ABHD17C: variants seen among roughly 807,000 people sequenced by gnomAD.
ABHD17C encodes the protein abhydrolase domain containing 17C, depalmitoylase.
In ABHD17C, 11 loss-of-function variants were observed where a neutral mutation model predicts 27.9. The observed-to-expected ratio is 0.39, with a 90% CI of 0.25 to 0.65. The LOEUF is 0.65. Ranked by LOEUF, ABHD17C falls within the 30% of genes least tolerant of loss-of-function variation. The pLI is 0.45. For synonymous variants in ABHD17C, 233 were observed against 209.1 expected (o/e 1.11, Z -0.98); for missense variants, 280 against 470.2 (o/e 0.60, Z 3.74).
chr15:80,736,510 A>T (rs1895132474), intron 1 of ABHD17C, among the ~76,000 whole-genome samples: 2 of 152,122 alleles, frequency 1.3e-5, no homozygotes. Flanking sequence ...TTTTATTCTG[A>T]GGCTTTTCTC....
intron 1 of ABHD17C, among the ~76,000 whole-genome samples, chr15:80,743,892 C>T (rs939806553): frequency 6.6e-6 from 1 of 152,202 alleles, no homozygotes; most frequent in Non-Finnish European, 1.5e-5. Context: ...TCTTCTGTGT[C>T]GCCTATATTG....
chr15:80,709,106 C>A (rs982842436), intron 1 of ABHD17C, among the ~76,000 whole-genome samples: 10 of 152,146 alleles, frequency 6.6e-5, no homozygotes, highest in Non-Finnish European at 8.8e-5. Flanking sequence ...TTGTATCATA[C>A]CAGGGGTTTC....
Position 80,709,226 on chromosome 15 carries a change from C to T in ABHD17C, c.590+13207C>T, listed in dbSNP as rs187831720. Among the ~76,000 whole-genome samples the T allele has an allele frequency of 6.9e-3, 1,044 of 151,870 alleles. 12 individuals carry two copies. The highest frequency in any genetic ancestry group is 0.024 in the African/African-American group (992 of 41,490). Reference sequence around the variant, plus strand: ...TATTGGGGCCTGGCGTAGTGGCTCACGCCTATAATCCCAGCACTTTGGGAG... The same window carrying T: ...TATTGGGGCCTGGCGTAGTGGCTCATGCCTATAATCCCAGCACTTTGGGAG... On this transcript the variant is annotated intron_variant, in intron 1 of 2. Transcript: ENST00000258884.
chr15:80,721,554 A>C (rs1894897725), intron 1 of ABHD17C, among the ~76,000 whole-genome samples: 1 of 152,204 alleles, frequency 6.6e-6, no homozygotes, highest in African/African-American at 2.4e-5. Context: ...TACTTTTAGA[A>C]TTGTGCCAGG....
intron 1 of ABHD17C, among the ~76,000 whole-genome samples, chr15:80,746,789 T>G (rs1410485955): frequency 6.6e-6 from 1 of 152,196 alleles, no homozygotes; most frequent in Non-Finnish European, 1.5e-5. Context: ...GTTCCTTCCT[T>G]TATTCAGTGC....
chr15:80,723,529 A>G (rs1484223), intron 1 of ABHD17C, among the ~76,000 whole-genome samples: 4,027 of 152,290 alleles, frequency 0.026, 173 homozygotes, highest in East Asian at 0.11. Context: ...TTTACCATGG[A>G]TAGTATTAGG....
intron 1 of ABHD17C, among the ~76,000 whole-genome samples, chr15:80,733,976 TTTA>T (rs1895090994): frequency 6.6e-6 from 1 of 150,648 alleles, no homozygotes; most frequent in African/African-American, 2.4e-5. Context: ...TATTTATTTA[TTTA>T]TTTATTTATT....
At chr15:80,727,720 G>T (rs903682934) in intron 1 of ABHD17C, among the ~76,000 whole-genome samples, 11 of 152,156 alleles carry the variant, frequency 7.2e-5, no homozygotes, top group Admixed American at 2.6e-4. Context: ...CCAGTCGGGT[G>T]ACATGTGTGC....
At chr15:80,747,925 T>A (rs1218386028) in intron 1 of ABHD17C, among the ~76,000 whole-genome samples, 2 of 152,174 alleles carry the variant, frequency 1.3e-5, no homozygotes, top group Non-Finnish European at 2.9e-5. Context: ...CCAGTGGCCG[T>A]CATCTCCAGG....
chr15:80,739,601 CTT>C (rs1168254403), intron 1 of ABHD17C, among the ~76,000 whole-genome samples: 2 of 152,132 alleles, frequency 1.3e-5, no homozygotes, highest in Non-Finnish European at 2.9e-5. Context: ...TGACATCTCT[CTT>C]GTTCTCTCCC....
intron 1 of ABHD17C, among the ~76,000 whole-genome samples, chr15:80,712,262 T>C (rs1321997407): frequency 6.6e-6 from 1 of 152,196 alleles, no homozygotes; most frequent in Non-Finnish European, 1.5e-5. Flanking sequence ...GTTGAATCAC[T>C]GTAAGAGGTA....
chr15:80,749,773 A>ACAG, intron 2 of ABHD17C, 81 bp downstream of exon 2: 3 of 1,464,370 alleles, frequency 2.0e-6, no homozygotes, highest in Non-Finnish European at 2.8e-6. Context: ...TATCTGTGTA[A>ACAG]ATATTTATTG....
At chr15:80,748,340 A>C (rs952356527) in intron 1 of ABHD17C, among the ~76,000 whole-genome samples, 1 of 152,192 alleles carries the variant, frequency 6.6e-6, no homozygotes. Context: ...ACGGGCTTCA[A>C]CTTTTCCAGA....
chr15:80,704,311 T>C (rs563421599), intron 1 of ABHD17C, among the ~76,000 whole-genome samples: 1 of 152,208 alleles, frequency 6.6e-6, no homozygotes, highest in East Asian at 1.9e-4. Context: ...CATTGCTCTT[T>C]CTACACTCAA....
At chr15:80,752,549 T>G (rs1485005702) in intron 2 of ABHD17C, among the ~76,000 whole-genome samples, 1 of 152,238 alleles carries the variant, frequency 6.6e-6, no homozygotes, top group Non-Finnish European at 1.5e-5. Context: ...CTCACTGTGT[T>G]TCATTAAATA....
chr15:80,731,591 G>A (rs1011276634), intron 1 of ABHD17C, among the ~76,000 whole-genome samples: 31 of 150,336 alleles, frequency 2.1e-4, no homozygotes, highest in African/African-American at 7.6e-4. Flanking sequence ...CACCAGATAT[G>A]TAAAAGAACA....
intron 1 of ABHD17C, among the ~76,000 whole-genome samples, chr15:80,697,019 C>T (rs1894504593): frequency 1.3e-5 from 2 of 152,138 alleles, no homozygotes; most frequent in Non-Finnish European, 2.9e-5. Context: ...GTACACCGGG[C>T]ATTATTGTCG....
intron 1 of ABHD17C, among the ~76,000 whole-genome samples, chr15:80,740,509 T>C (rs751897639): frequency 4.6e-5 from 7 of 151,976 alleles, no homozygotes; most frequent in Non-Finnish European, 1.0e-4. Flanking sequence ...CAAAGTAGGA[T>C]GGTCAAGAGG....
intron 1 of ABHD17C, among the ~76,000 whole-genome samples, chr15:80,742,107 A>T (rs1895218798): frequency 6.6e-6 from 1 of 152,172 alleles, no homozygotes; most frequent in Non-Finnish European, 1.5e-5. Context: ...TGAAAAGCAA[A>T]ACCATGAATC....
Sources: gnomAD v4.1 joint callset for allele counts (sites outside exome capture counted in the v4.1 genomes callset) on GRCh38, gnomAD v4.1.1 for gene constraint, MANE v1.5 for transcripts, NCBI Gene and HGNC (gene_info 2026-07-23, HGNC 2026-07-21) for gene names.